Variants in TAFA5 observed in about 807,000 individuals in gnomAD.
TAFA5 encodes chemokine-like protein TAFA-5.
TAFA5 carries 6 observed loss-of-function variants against 15.3 expected under a neutral mutation model. The observed-to-expected ratio is 0.39, with a 90% CI of 0.21 to 0.77. The LOEUF (loss-of-function observed/expected upper bound fraction) is 0.77. TAFA5 is among the 30% of genes least tolerant of loss of function. TAFA5 has a pLI of 0.41. For synonymous variants in TAFA5, 103 were observed against 80.7 expected (o/e 1.28, Z -1.48); for missense variants, 161 against 193.1 (o/e 0.83, Z 0.98).
At position 48,539,033 on chromosome 22, in the gene TAFA5, G is replaced by A. The variant is rs189967086; in HGVS notation, c.112+49329G>A. The A allele has an allele frequency of 4.6e-3, 976 of 211,628 alleles. 5 individuals are homozygous for A. The highest frequency in any genetic ancestry group is 5.9e-3 in the Non-Finnish European group (604 of 103,236). The allele number at this position is 211,628 out of a possible 1,614,324, so 13.1% of individuals were successfully genotyped here. ...AGTCGTTTTTGTAAACCAATGGGATGTGAGTTCACAGGGGGTGGGAGCCTG... is the reference window on the plus strand; with the variant it reads ...AGTCGTTTTTGTAAACCAATGGGATATGAGTTCACAGGGGGTGGGAGCCTG... On this transcript the variant is annotated intron_variant, in intron 1 of 3. Transcript: ENST00000402357.
At chr22:48,748,720 A>G (rs964055610) in intron 3 of TAFA5, among the ~76,000 whole-genome samples, 7 of 152,198 alleles carry the variant, frequency 4.6e-5, no homozygotes, top group African/African-American at 1.7e-4. Context: ...GCAGCTGGCC[A>G]GGGTGCTGGA....
intron 1 of TAFA5, among the ~76,000 whole-genome samples, chr22:48,521,704 A>G (rs530568643): frequency 6.6e-5 from 10 of 152,244 alleles, no homozygotes; most frequent in African/African-American, 2.2e-4. Flanking sequence ...GTTAGGTGTA[A>G]AAGGTAAATA....
chr22:48,574,333 T>C (rs74755527), intron 1 of TAFA5, among the ~76,000 whole-genome samples: 16,626 of 151,940 alleles, frequency 0.11, 1,590 homozygotes, highest in East Asian at 0.27. Context: ...AACTGCTTCG[T>C]GGATGGCCTC....
chr22:48,543,366 C>T (rs992506630), intron 1 of TAFA5: 2 of 152,132 alleles, frequency 1.3e-5, no homozygotes, highest in Admixed American at 6.5e-5. Context: ...GAAGCAGGCC[C>T]GAGTGGAGGG....
rs77961828 is a variant in TAFA5, at chr22:48,539,674, T to C, written c.112+49970T>C. On this transcript the variant is annotated intron_variant, in intron 1 of 3. Coordinates refer to ENST00000402357, the MANE Select transcript of TAFA5 (RefSeq NM_001082967.3). ...AGGGCCTGCCCACGGGAACAGAGCC[T>C]ATGAGCAAATGAAGAAATATCCAGC... Among the ~76,000 whole-genome samples, 324 of 152,264 alleles carry C rather than the reference T, an allele frequency of 2.1e-3. 7 individuals are homozygous for C. In the East Asian group the frequency reaches 0.053, roughly 25 times the overall value.
At chr22:48,597,679 C>T (rs1165813001) in intron 1 of TAFA5, among the ~76,000 whole-genome samples, 1 of 152,274 alleles carries the variant, frequency 6.6e-6, no homozygotes, top group Non-Finnish European at 1.5e-5. Context: ...TGCACCTCAG[C>T]TTCCGGTTCT....
At position 48,489,686 on chromosome 22, in the gene TAFA5, C is replaced by T; in HGVS notation, c.94C>T (p.Leu32=). 6.6e-7 allele frequency: 1 copy of T among 1,516,792 alleles called. No individual in the cohort carries two copies. Among genetic ancestry groups the T allele is most frequent in the Non-Finnish European group, 8.8e-7 (1 of 1,131,088 alleles). The allele number at this position is 1,516,792 out of a possible 1,614,324, so 94.0% of individuals were successfully genotyped here. ...CTGGGCGTTCATGATCCTGGCCAGC[C>T]TGCTCATCGCCTACTGCAGTGAGTA... ...TFWAFMILAS[L]LIAYCSQLAA... The change falls in exon 1 of 4, where the codon CTG becomes TTG. Residue 32 remains leucine, a synonymous_variant. Coordinates refer to ENST00000402357, the MANE Select transcript of TAFA5 (RefSeq NM_001082967.3). This position sits in a 1 kb window ranked among gnomAD's most constrained non-coding sequence, Gnocchi z 5.5.
chr22:48,548,226 C>A (rs1006820320), intron 1 of TAFA5, among the ~76,000 whole-genome samples: 2 of 152,182 alleles, frequency 1.3e-5, no homozygotes, highest in Non-Finnish European at 2.9e-5. Context: ...ATTAGGATTG[C>A]TCTTTCTCTT....
chr22:48,693,238 G>A, intron 2 of TAFA5: 1 of 1,504,676 alleles, frequency 6.6e-7, no homozygotes, highest in Non-Finnish European at 9.0e-7. Context: ...CTGGCAGGAT[G>A]AGTCCAGAGC....
chr22:48,653,512 G>A (rs978359144), intron 2 of TAFA5, among the ~76,000 whole-genome samples: 5 of 152,188 alleles, frequency 3.3e-5, no homozygotes, highest in Non-Finnish European at 5.9e-5. Flanking sequence ...TGCCCGGCCC[G>A]ACCCATGGCT....
intron 2 of TAFA5, among the ~76,000 whole-genome samples, chr22:48,676,473 A>C: frequency 6.6e-6 from 1 of 152,326 alleles, no homozygotes; most frequent in Non-Finnish European, 1.5e-5. Flanking sequence ...TCAGAGGCGC[A>C]GGGGGAACAG....
chr22:48,712,499 C>T (rs1192452693), intron 3 of TAFA5, among the ~76,000 whole-genome samples: 2 of 152,202 alleles, frequency 1.3e-5, no homozygotes, highest in African/African-American at 2.4e-5. Flanking sequence ...GGTGAGCGCC[C>T]GGTGACAAAG....
chr22:48,630,696 C>G (rs1173100799), intron 1 of TAFA5, among the ~76,000 whole-genome samples: 1 of 152,192 alleles, frequency 6.6e-6, no homozygotes, highest in African/African-American at 2.4e-5. Flanking sequence ...CAGGGGCCGC[C>G]TAGAAGCCAC....
chr22:48,518,944 C>T (rs776682574), intron 1 of TAFA5, among the ~76,000 whole-genome samples: 1 of 152,148 alleles, frequency 6.6e-6, no homozygotes, highest in African/African-American at 2.4e-5. Flanking sequence ...GGCCGGCGGT[C>T]CCCCAGCTCA....
At chr22:48,701,530 G>A (rs920061218) in intron 2 of TAFA5, among the ~76,000 whole-genome samples, 38 of 152,224 alleles carry the variant, frequency 2.5e-4, no homozygotes, top group African/African-American at 8.7e-4. Flanking sequence ...TGTAGATGGG[G>A]TTTTTGAAGT....
At chr22:48,580,793 T>C (rs1369188717) in intron 1 of TAFA5, among the ~76,000 whole-genome samples, 1 of 152,206 alleles carries the variant, frequency 6.6e-6, no homozygotes, top group Admixed American at 6.5e-5. Context: ...AGCTGGCTGC[T>C]CATTTCTCCC....
chr22:48,651,926 G>A (rs1273682394), intron 2 of TAFA5, among the ~76,000 whole-genome samples: 1 of 152,174 alleles, frequency 6.6e-6, no homozygotes, highest in Non-Finnish European at 1.5e-5. Context: ...TTGGACCCTG[G>A]GCTGTGGGTC....
intron 3 of TAFA5, among the ~76,000 whole-genome samples, chr22:48,724,511 G>A (rs145854107): frequency 6.1e-4 from 93 of 152,312 alleles, no homozygotes; most frequent in African/African-American, 2.1e-3. Context: ...GATTAATGCA[G>A]CCACACACTC....
At chr22:48,543,586 G>A (rs1922544005) in intron 1 of TAFA5, 1 of 152,344 alleles carries the variant, frequency 6.6e-6, no homozygotes, top group Admixed American at 6.5e-5. Flanking sequence ...GCAGTCTGGA[G>A]AGGAGATATT....
Sources: allele counts gnomAD v4.1 joint callset (sites outside exome capture counted in the v4.1 genomes callset), GRCh38; gene constraint gnomAD v4.1.1; non-coding constraint Gnocchi (gnomAD v3.1); transcripts MANE v1.5; gene names NCBI Gene and HGNC (gene_info 2026-07-23, HGNC 2026-07-21).